CTCFL: variants seen among roughly 807,000 people sequenced by gnomAD.
The protein encoded by CTCFL is CCCTC-binding factor like.
Under a neutral mutation model 67.4 loss-of-function variants are expected in CTCFL, and 36 were observed. That is an observed-to-expected ratio of 0.53 (90% confidence interval 0.41 to 0.71). The LOEUF (loss-of-function observed/expected upper bound fraction) is 0.71. Ranked by LOEUF, CTCFL falls within the 30% of genes least tolerant of loss-of-function variation. CTCFL has a pLI of 0.00. For synonymous variants in CTCFL, 324 were observed against 302.3 expected (o/e 1.07, Z -0.75); for missense variants, 786 against 835.2 (o/e 0.94, Z 0.73).
rs185172754 is a variant in CTCFL, at chr20:57,515,906, T to C, written c.1060-72A>G. ...GGCAGAGTCTTCCATTAATCAGCAT[T>C]GTAAAAGAGATTTAAATTAATCATA... On this transcript the variant is annotated intron_variant, in intron 5 of 10. Transcript: ENST00000243914. 6.9e-4 allele frequency: 1,018 copies of C among 1,475,476 alleles called. 1 individual carries two copies. The highest frequency in any genetic ancestry group is 1.1e-3 in the South Asian group (86 of 78,964). The allele number at this position is 1,475,476 out of a possible 1,614,324, so 91.4% of individuals were successfully genotyped here.
chr20:57,524,860 T>C, intron 1 of CTCFL, 168 bp downstream of exon 1: 1 of 651,328 alleles, frequency 1.5e-6, no homozygotes, highest in Non-Finnish European at 1.9e-6. Flanking sequence ...GGGCCCCTGC[T>C]TTACCCTGCC....
At chr20:57,518,398 T>G in intron 5 of CTCFL, 17 of 678,186 alleles carry the variant, frequency 2.5e-5, no homozygotes, top group Middle Eastern at 4.8e-4. Flanking sequence ...CAGCCAACAT[T>G]GAGATTGGAT....
chr20:57,515,871 A>G (rs2068881640), intron 5 of CTCFL, 37 bp from the exon 6 acceptor site: 1 of 1,582,778 alleles, frequency 6.3e-7, no homozygotes, highest in Non-Finnish European at 8.6e-7. Context: ...TGCAATAGAA[A>G]CTAAAAAATG....
At chr20:57,508,465 C>G in intron 9 of CTCFL, 141 bp downstream of exon 9, 1 of 717,222 alleles carries the variant, frequency 1.4e-6, no homozygotes, top group Admixed American at 2.9e-5. Flanking sequence ...AACTAATAAC[C>G]ACTTTCCTAA....
In CTCFL at chr20:57,519,345, T is replaced by C; in HGVS notation, c.787A>G (p.Met263Val). 6.2e-7 allele frequency: 1 copy of C among 1,614,128 alleles called. No homozygotes were observed. The highest frequency in any genetic ancestry group is 8.5e-7 in the Non-Finnish European group (1 of 1,180,000). ...AKGTFHCDVC[M>V]FTSSRMSSFN... is the part of the protein sequence containing the mutation. ...CTTGACATTCTAGAAGAGGTGAACA[T>C]GCAGACATCACAGTGGAAGGTTCCT... is the stretch of plus-strand genomic sequence containing the variant. The change falls in exon 4 of 11, where the codon ATG (methionine) becomes GTG (valine). Residue 263 changes from methionine to valine, a missense_variant. This residue lies in a region of CTCFL where 254 missense variants were observed against 333.9 expected (regional missense o/e 0.76). Coordinates refer to ENST00000243914, the MANE Select transcript of CTCFL (RefSeq NM_001386993.1).
intron 3 of CTCFL, among the ~76,000 whole-genome samples, chr20:57,522,091 A>G (rs2069412015): frequency 6.6e-6 from 1 of 152,262 alleles, no homozygotes; most frequent in African/African-American, 2.4e-5. Flanking sequence ...TGATTTAAAC[A>G]TATGAGAAAC....
At chr20:57,521,463 C>G (rs1358971875) in intron 3 of CTCFL, among the ~76,000 whole-genome samples, 2 of 152,228 alleles carry the variant, frequency 1.3e-5, no homozygotes, top group African/African-American at 2.4e-5. Context: ...ACACACACTG[C>G]TGGTGCAAAT....
Position 57,497,928 on chromosome 20 carries a change from T to C in CTCFL, c.*622A>G. 1.1e-6 allele frequency: 1 copy of C among 950,216 alleles called. No individual in the cohort carries two copies. The highest frequency in any genetic ancestry group is 1.8e-5 in the African/African-American group (1 of 56,412). The allele number at this position is 950,216 out of a possible 1,614,324, so 58.9% of individuals were successfully genotyped here. ...CCTTATTTTCTAGTCTAATCTAGTA[T>C]TTCATTTCCTACTCAGTTTTCCTTT... is the stretch of plus-strand genomic sequence containing the variant. On this transcript the variant is annotated 3_prime_UTR_variant, in exon 11 of 11. Transcript: ENST00000243914.
At chr20:57,509,106 T>C (rs1298639990) in intron 8 of CTCFL, among the ~76,000 whole-genome samples, 2 of 151,974 alleles carry the variant, frequency 1.3e-5, no homozygotes, top group Non-Finnish European at 2.9e-5. Context: ...TTACTGGGAG[T>C]CCTCCTTCTA....
intron 5 of CTCFL, among the ~76,000 whole-genome samples, chr20:57,517,919 C>G (rs1385693309): frequency 2.0e-5 from 3 of 152,206 alleles, no homozygotes; most frequent in Admixed American, 2.0e-4. Context: ...ACTACAATCA[C>G]AACCTTTAAC....
intron 7 of CTCFL, chr20:57,513,975 T>G: frequency 2.8e-5 from 29 of 1,050,398 alleles, no homozygotes; most frequent in Middle Eastern, 2.5e-4. Flanking sequence ...TCCCAGCTCC[T>G]AGGCCTGCTG....
chr20:57,496,349 T>C (rs972160069), downstream of CTCFL: 5 of 661,764 alleles, frequency 7.6e-6, no homozygotes, highest in African/African-American at 3.6e-5. Context: ...TCATCCTTCC[T>C]GTACAGCCTG....
At chr20:57,513,433 C>T in intron 7 of CTCFL, 2 of 989,186 alleles carry the variant, frequency 2.0e-6, no homozygotes, top group Non-Finnish European at 2.4e-6. Flanking sequence ...CACAGTGACT[C>T]AGACATTTAG....
Position 57,523,844 on chromosome 20 carries a change from C to T in CTCFL, c.362G>A (p.Trp121Ter). ...GCTCTGCCGGGGCCCTTCCTCAAGC[C>T]ACAGCAACCCAGGGCCAGGCTGTTG... ...VVQQPGPGLL[W>*]LEEGPRQSLQ... The change falls in exon 2 of 11, where the codon TGG becomes TAG. Residue 121 changes from tryptophan (W) to a stop codon, truncating the protein, a stop_gained. Transcript: ENST00000243914. LOFTEE classifies it high-confidence loss of function. The T allele has an allele frequency of 6.2e-7, 1 of 1,613,254 alleles. No homozygotes were observed. The highest frequency in any genetic ancestry group is 8.5e-7 in the Non-Finnish European group (1 of 1,180,046).
chr20:57,510,445 T>C (rs776193421), intron 8 of CTCFL, among the ~76,000 whole-genome samples: 2 of 152,316 alleles, frequency 1.3e-5, no homozygotes, highest in African/African-American at 4.8e-5. Context: ...TCTGTCTTAA[T>C]AGATAAGGTT....
Position 57,508,031 on chromosome 20 carries a change from C to T in CTCFL, c.1674+575G>A, listed in dbSNP as rs187014862. ...GATCGTGACTCACTGTAGCCTCCAA[C>T]TCCTGGGCTCAAGTGGTCCTCCTGT... On this transcript the variant is annotated intron_variant, in intron 9 of 10. Coordinates refer to ENST00000243914, the MANE Select transcript of CTCFL (RefSeq NM_001386993.1). 7.9e-5 allele frequency among the ~76,000 whole-genome samples: 12 copies of T among 152,234 alleles called. No individual in the cohort carries two copies. In the East Asian group the frequency reaches 2.1e-3, roughly 27 times the overall value.
chr20:57,509,556 C>A (rs763046958), intron 8 of CTCFL, among the ~76,000 whole-genome samples: 1 of 152,068 alleles, frequency 6.6e-6, no homozygotes, highest in Non-Finnish European at 1.5e-5. Flanking sequence ...AGCCACTGTA[C>A]CTGGCCTAAA....
At chr20:57,496,167 T>C (rs1347086363), downstream of CTCFL, 1 of 486,958 alleles carries the variant, frequency 2.1e-6, no homozygotes, top group Non-Finnish European at 3.7e-6. Context: ...ATCCGCTTGG[T>C]GCTGTCCTCA....
rs149683637 is a variant in CTCFL at position 57,506,295 on chromosome 20, C to T, written c.1674+2311G>A. The stretch of plus-strand genomic sequence containing the variant: ...CTTTGGAGAAAGGTCTATTTAGATA[C>T]TTTAACTGTTTTGTTTTGTTTTTTT... On this transcript the variant is annotated intron_variant, in intron 9 of 10. Transcript: ENST00000243914. Among the ~76,000 whole-genome samples, 571 of 151,654 alleles carry T rather than the reference C, an allele frequency of 3.8e-3. 3 individuals carry two copies. Among genetic ancestry groups the T allele is most frequent in the African/African-American group, 0.013 (545 of 41,362 alleles).
Sources: gnomAD v4.1 joint callset for allele counts (sites outside exome capture counted in the v4.1 genomes callset) on GRCh38, gnomAD v4.1.1 for gene constraint, gnomAD v4.1.1 regional missense constraint, MANE v1.5 for transcripts, NCBI Gene and HGNC (gene_info 2026-07-23, HGNC 2026-07-21) for gene names.